SCIN: variants seen among roughly 807,000 people sequenced by gnomAD.
The protein encoded by SCIN is scinderin, also known as adseverin.
In SCIN, 91 loss-of-function variants were observed where a neutral mutation model predicts 91.8. The observed-to-expected ratio is 0.99, with a 90% confidence interval of 0.84 to 1.18. The LOEUF (loss-of-function observed/expected upper bound fraction) is 1.18. SCIN is among the 50% of genes most tolerant of loss of function. SCIN has a pLI of 0.00. For missense variants in SCIN, 1,087 were observed against 863.9 expected (o/e 1.26, Z -3.24); for synonymous variants, 367 against 312.6 (o/e 1.17, Z -1.84).
chr7:12,626,807 C>T lies in SCIN; in HGVS notation c.1197+8C>T, dbSNP rs1783534727. 2 of 1,597,162 alleles carry T rather than the reference C, an allele frequency of 1.3e-6. No homozygotes were observed. The highest frequency in any genetic ancestry group is 1.1e-5 in the South Asian group (1 of 88,054). On this transcript the variant is annotated splice_region_variant and intron_variant, in intron 8 of 15. Coordinates refer to ENST00000297029, the MANE Select transcript of SCIN (RefSeq NM_001112706.3). ...GGTTCTGGCAAAGTGGAGGTATTTA[C>T]CTGTTTTTGTTTTTATCAAGCCCAT...
intron 14 of SCIN, among the ~76,000 whole-genome samples, chr7:12,650,521 A>G (rs572594666): frequency 6.6e-6 from 1 of 152,126 alleles, no homozygotes; most frequent in Admixed American, 6.6e-5. Context: ...TTACATTACC[A>G]TGCTTTCATG....
chr7:12,648,522 C>G lies in SCIN; in HGVS notation c.1882-945C>G, dbSNP rs180716632. Among the ~76,000 whole-genome samples the G allele has an allele frequency of 2.6e-3, 394 of 152,206 alleles. 1 individual carries two copies. The highest frequency in any genetic ancestry group is 9.2e-3 in the African/African-American group (381 of 41,538). ...ATGTTGGCCAGGCTGGTCTTGAACT[C>G]CTGACCTCGTGATCCACCCAACTCA... On this transcript the variant is annotated intron_variant, in intron 13 of 15. Transcript: ENST00000297029.
chr7:12,586,055 T>G (rs1782580365), intron 3 of SCIN, among the ~76,000 whole-genome samples: 1 of 152,232 alleles, frequency 6.6e-6, no homozygotes, highest in African/African-American at 2.4e-5. Context: ...CAGCCTTTTT[T>G]ATATTGCTTG....
chr7:12,626,228 C>T lies in SCIN; in HGVS notation c.982-356C>T, dbSNP rs888655443. ...AATCAATTTAGACCCTGGCTAGTTACTCCTTTCCTTTCCGAATCTCTCAGC... is the reference window on the plus strand; with the variant it reads ...AATCAATTTAGACCCTGGCTAGTTATTCCTTTCCTTTCCGAATCTCTCAGC... On this transcript the variant is annotated intron_variant, in intron 7 of 15. Transcript: ENST00000297029. The T allele has an allele frequency of 5.7e-5, 18 of 315,556 alleles. No homozygotes were observed. The East Asian group carries it at 7.5e-4, about 13-fold the overall frequency. 19.5% of individuals were successfully genotyped at this position (315,556 alleles called of 1,614,324 possible).
chr7:12,636,092 T>G lies in SCIN; in HGVS notation c.1367T>G (p.Leu456Arg). Residue 456 changes from leucine (L) to arginine (R), a missense_variant, in exon 10 of 16, where the codon CTG becomes CGG. Coordinates refer to ENST00000297029, the MANE Select transcript of SCIN (RefSeq NM_001112706.3). ...GATGAGCTGACAACATCTGCGTTCCTGACTGTTCAGTTGGATCGGTCCCTT... is the reference window on the plus strand; with the variant it reads ...GATGAGCTGACAACATCTGCGTTCCGGACTGTTCAGTTGGATCGGTCCCTT... ...TRDELTTSAF[L>R]TVQLDRSLGG... is the part of the protein sequence containing the mutation. 1 of 1,613,294 alleles carries G rather than the reference T, an allele frequency of 6.2e-7. No homozygotes were observed. Among genetic ancestry groups the G allele is most frequent in the Non-Finnish European group, 8.5e-7 (1 of 1,179,676 alleles).
Position 12,622,247 on chromosome 7 carries a change from C to T in SCIN, c.667-554C>T, listed in dbSNP as rs541057434. On this transcript the variant is annotated intron_variant, in intron 4 of 15. Transcript: ENST00000297029. ...TATTCATTATTTTGACAAACACTTA[C>T]TCTGCGTATACTATGTCCCAAGAAC... Among the ~76,000 whole-genome samples the T allele has an allele frequency of 2.0e-4, 30 of 152,188 alleles. No individual in the cohort carries two copies. The South Asian group carries it at 2.9e-3, about 15-fold the overall frequency.
chr7:12,623,666 C>T (rs78442426), intron 5 of SCIN, among the ~76,000 whole-genome samples: 9,497 of 152,158 alleles, frequency 0.062, 1,015 homozygotes, highest in African/African-American at 0.22. Flanking sequence ...TCGTAAATCT[C>T]CATGCAGAAT....
intron 13 of SCIN, among the ~76,000 whole-genome samples, chr7:12,647,092 A>G (rs148238674): frequency 1.3e-3 from 195 of 152,282 alleles, no homozygotes; most frequent in African/African-American, 4.4e-3. Flanking sequence ...TTATTTATTA[A>G]CATTGCTATA....
At chr7:12,624,572 A>T (rs2115272735) in intron 5 of SCIN, among the ~76,000 whole-genome samples, 1 of 152,318 alleles carries the variant, frequency 6.6e-6, no homozygotes, top group South Asian at 2.1e-4. Context: ...TCTTGTGTGT[A>T]TGTAATGATT....
intron 1 of SCIN, chr7:12,577,810 T>G: frequency 2.2e-6 from 1 of 458,990 alleles, no homozygotes. Flanking sequence ...GAGCTATGAT[T>G]ATGCCATTGC....
chr7:12,606,068 C>T (rs1267450251), intron 4 of SCIN, among the ~76,000 whole-genome samples: 3 of 152,108 alleles, frequency 2.0e-5, no homozygotes, highest in South Asian at 2.1e-4. Flanking sequence ...TGTCTTCATA[C>T]GTATTCACAA....
intron 4 of SCIN, among the ~76,000 whole-genome samples, chr7:12,608,276 G>A (rs759824870): frequency 1.3e-5 from 2 of 151,140 alleles, no homozygotes; most frequent in African/African-American, 4.9e-5. Context: ...GAACTAATAG[G>A]TTTCAGAAGT....
intron 13 of SCIN, among the ~76,000 whole-genome samples, chr7:12,649,143 A>G (rs918035437): frequency 1.3e-5 from 2 of 152,194 alleles, no homozygotes; most frequent in African/African-American, 2.4e-5. Flanking sequence ...GCTCGAGTGC[A>G]TGCCTCAAGA....
At chr7:12,603,215 G>A (rs926873915) in intron 3 of SCIN, among the ~76,000 whole-genome samples, 16 of 151,622 alleles carry the variant, frequency 1.1e-4, no homozygotes, top group East Asian at 7.7e-4. Flanking sequence ...CATGATCTCC[G>A]CTCACTGCAA....
chr7:12,581,038 T>C (rs1312343112), intron 2 of SCIN, 22 bp from the exon 3 acceptor site: 1 of 1,546,602 alleles, frequency 6.5e-7, no homozygotes. Context: ...TTTTTGTGTG[T>C]CTGTCTTCCC....
At chr7:12,621,446 C>T (rs1177664037) in intron 4 of SCIN, among the ~76,000 whole-genome samples, 1 of 151,892 alleles carries the variant, frequency 6.6e-6, no homozygotes, top group Non-Finnish European at 1.5e-5. Flanking sequence ...AAATCCCAGA[C>T]TGGGTCCGCC....
intron 3 of SCIN, chr7:12,588,804 TG>T (rs1204389002): frequency 3.8e-4 from 1 of 2,644 alleles, no homozygotes; most frequent in Non-Finnish European, 1.6e-3. Context: ...ACAGCTGCAT[TG>T]GGTGGGGGGG....
intron 3 of SCIN, among the ~76,000 whole-genome samples, chr7:12,582,366 C>A (rs1782505396): frequency 6.6e-6 from 1 of 152,134 alleles, no homozygotes; most frequent in Non-Finnish European, 1.5e-5. Flanking sequence ...ATTAATCTAA[C>A]AACAGTACAG....
At chr7:12,650,237 C>T (rs1784054465) in intron 14 of SCIN, among the ~76,000 whole-genome samples, 1 of 152,140 alleles carries the variant, frequency 6.6e-6, no homozygotes. Context: ...TTATATCACA[C>T]CCTAGCTTCT....
Sources: allele counts gnomAD v4.1 joint callset (sites outside exome capture counted in the v4.1 genomes callset), GRCh38; gene constraint gnomAD v4.1.1; transcripts MANE v1.5; gene names NCBI Gene and HGNC (gene_info 2026-07-23, HGNC 2026-07-21).